Variants in CACNA1B observed in about 807,000 individuals in gnomAD.
CACNA1B encodes voltage-dependent N-type calcium channel subunit alpha-1B.
A neutral mutation model predicts 247.2 loss-of-function variants in CACNA1B; 70 were observed. The observed-to-expected ratio is 0.28, with a 90% CI of 0.23 to 0.35. CACNA1B has a LOEUF of 0.35. Among genes scored for constraint, CACNA1B ranks in the 10% least tolerant of loss-of-function variants. The pLI, the probability that CACNA1B is intolerant of heterozygous loss-of-function variation, is 1.00. For missense variants in CACNA1B, 2,367 were observed against 3,197.4 expected (o/e 0.74, Z 6.26); for synonymous variants, 1,231 against 1,294.4 (o/e 0.95, Z 1.05).
At chr9:137,941,001 A>G (rs1707722824) in intron 6 of CACNA1B, among the ~76,000 whole-genome samples, 1 of 152,180 alleles carries the variant, frequency 6.6e-6, no homozygotes, top group South Asian at 2.1e-4. Flanking sequence ...TGAGAACTGG[A>G]AGAAGACAAG....
chr9:138,047,119 G>T, intron 22 of CACNA1B, 86 bp downstream of exon 22: 1 of 1,306,026 alleles, frequency 7.7e-7, no homozygotes, highest in Non-Finnish European at 1.1e-6. Flanking sequence ...CTGGGGTGGG[G>T]CTGAGGTCCT....
intron 15 of CACNA1B, among the ~76,000 whole-genome samples, chr9:137,998,476 T>TG (rs1385622875): frequency 6.6e-6 from 1 of 152,026 alleles, no homozygotes; most frequent in African/African-American, 2.4e-5. Context: ...CTGGGTGTGC[T>TG]GGTGCTGAGG....
At chr9:137,886,235 A>ATGAGC (rs1957009730) in intron 3 of CACNA1B, among the ~76,000 whole-genome samples, 1 of 151,436 alleles carries the variant, frequency 6.6e-6, no homozygotes, top group Non-Finnish European at 1.5e-5. Context: ...GCCTGGGGTG[A>ATGAGC]GGACAGGGGT....
At chr9:137,996,460 A>G (rs940793914) in intron 15 of CACNA1B, among the ~76,000 whole-genome samples, 2 of 152,148 alleles carry the variant, frequency 1.3e-5, no homozygotes, top group Admixed American at 1.3e-4. Flanking sequence ...GAGCTGAGTT[A>G]TGAGGATGCA....
intron 36 of CACNA1B, among the ~76,000 whole-genome samples, chr9:138,078,642 T>A (rs1197698159): frequency 6.6e-6 from 1 of 151,972 alleles, no homozygotes; most frequent in African/African-American, 2.4e-5. Flanking sequence ...AGGTGTGGAT[T>A]TTATTTCACA....
chr9:137,932,219 G>A (rs1396424374), intron 6 of CACNA1B, among the ~76,000 whole-genome samples: 2 of 152,160 alleles, frequency 1.3e-5, no homozygotes, highest in Admixed American at 1.3e-4. Flanking sequence ...GAGATTGCAA[G>A]CCTGCTAACT....
At chr9:137,993,724 A>T (rs1210247732) in intron 15 of CACNA1B, among the ~76,000 whole-genome samples, 2 of 152,206 alleles carry the variant, frequency 1.3e-5, no homozygotes, top group African/African-American at 4.8e-5. Context: ...CGAACAAAAT[A>T]AAGTCCAGGA....
At chr9:138,041,640 A>T (rs926468695) in intron 20 of CACNA1B, among the ~76,000 whole-genome samples, 14 of 152,154 alleles carry the variant, frequency 9.2e-5, no homozygotes, top group Non-Finnish European at 1.9e-4. Context: ...TAGTAAATCG[A>T]TTTCAGAGAA....
At chr9:137,896,750 T>C (rs889872147) in intron 3 of CACNA1B, among the ~76,000 whole-genome samples, 1 of 152,262 alleles carries the variant, frequency 6.6e-6, no homozygotes, top group Non-Finnish European at 1.5e-5. Context: ...CAACTGGCCC[T>C]GGAGATTTCC....
At chr9:138,107,542 A>T (rs1961473563) in intron 39 of CACNA1B, among the ~76,000 whole-genome samples, 1 of 151,992 alleles carries the variant, frequency 6.6e-6, no homozygotes, top group East Asian at 1.9e-4. Context: ...TCTTTAAAAT[A>T]TATCCAAAAT....
intron 6 of CACNA1B, among the ~76,000 whole-genome samples, chr9:137,935,678 A>G (rs549271274): frequency 7.2e-5 from 11 of 152,342 alleles, no homozygotes; most frequent in African/African-American, 2.6e-4. Flanking sequence ...GGAATTGCCC[A>G]CTGTCTTCCA....
chr9:138,060,126 T>G (rs970458498), intron 31 of CACNA1B, among the ~76,000 whole-genome samples: 6 of 152,182 alleles, frequency 3.9e-5, no homozygotes, highest in Admixed American at 3.9e-4. Flanking sequence ...CCACCGTCTC[T>G]CTATCTCTCT....
Position 138,058,583 on chromosome 9 carries a change from C to G in CACNA1B, c.4323C>G (p.Asp1441Glu), listed in dbSNP as rs779375112. ...SLEKNERACIDFAISAKPLTR... is the reference protein window; with the variant it reads ...SLEKNERACIEFAISAKPLTR... ...TCCCCTTACAGAGGGCTTGCATTGACTTCGCCATCAGCGCCAAACCCCTGA... is the reference window on the plus strand; with the variant it reads ...TCCCCTTACAGAGGGCTTGCATTGAGTTCGCCATCAGCGCCAAACCCCTGA... The change falls in exon 29 of 47, where the codon GAC becomes GAG. Residue 1441 changes from aspartate (D) to glutamate (E), a missense_variant. Asp to Glu is a conservative substitution (Grantham distance 45). Transcript: ENST00000371372. This position sits in a 1 kb window ranked among gnomAD's most constrained non-coding sequence, Gnocchi z 4.7. 7 of 1,611,294 alleles carry G rather than the reference C, an allele frequency of 4.3e-6. No homozygotes were observed. The highest frequency in any genetic ancestry group is 2.2e-5 in the South Asian group (2 of 90,634).
Position 137,986,676 on chromosome 9 carries a change from GC to G in CACNA1B, c.1902-104del. Reference sequence around the variant, plus strand: ...AGGTCCTCAGAGGGGCCAGTGTGCAGCCATCTGCAGCCTGAAGCGAGCAGGT... The same window carrying G: ...AGGTCCTCAGAGGGGCCAGTGTGCAGCATCTGCAGCCTGAAGCGAGCAGGT... On this transcript the variant is annotated intron_variant, in intron 14 of 46. Coordinates refer to ENST00000371372, the MANE Select transcript of CACNA1B (RefSeq NM_000718.4). This position sits in a 1 kb window ranked among gnomAD's most constrained non-coding sequence, Gnocchi z 6.0. 7.1e-7 allele frequency: 1 copy of G among 1,402,176 alleles called. No individual in the cohort carries two copies. The highest frequency in any genetic ancestry group is 2.3e-5 in the East Asian group (1 of 43,862). The allele number at this position is 1,402,176 out of a possible 1,614,324, so 86.9% of individuals were successfully genotyped here.
chr9:137,983,751 C>T (rs1374971485), intron 12 of CACNA1B, among the ~76,000 whole-genome samples: 1 of 152,036 alleles, frequency 6.6e-6, no homozygotes, highest in Non-Finnish European at 1.5e-5. Context: ...AAAGTTTGCC[C>T]AGCTCCAGAG....
rs1554922526 is a variant in CACNA1B, at chr9:137,897,711, C to CATT, written c.530+14846_530+14848dup. On this transcript the variant is annotated intron_variant, in intron 3 of 46. Coordinates refer to ENST00000371372, the MANE Select transcript of CACNA1B (RefSeq NM_000718.4). Reference sequence around the variant, plus strand: ...TATTTTGTGTTTTTATCATTTTAATCATTATTATTATTATTATTATATTTT... The same window carrying CATT: ...TATTTTGTGTTTTTATCATTTTAATCATTATTATTATTATTATTATTATATTTT... 9.0e-4 allele frequency among the ~76,000 whole-genome samples: 137 copies of CATT among 151,512 alleles called. 2 individuals are homozygous for CATT. The highest frequency in any genetic ancestry group is 5.4e-3 in the South Asian group (26 of 4,804).
rs903853004 is a variant in CACNA1B, at chr9:138,050,647, G to A, written c.3710+1332G>A. On this transcript the variant is annotated intron_variant, in intron 24 of 46. Coordinates refer to ENST00000371372, the MANE Select transcript of CACNA1B (RefSeq NM_000718.4). The surrounding 1 kb of genome is among the most constrained non-coding windows in gnomAD (Gnocchi z 5.2). Reference sequence around the variant, plus strand: ...GGGAAGGGGTTGGGCCCATCCAGGCGGCTTCAGAGCAGGAGAAAAGGAGCA... The same window carrying A: ...GGGAAGGGGTTGGGCCCATCCAGGCAGCTTCAGAGCAGGAGAAAAGGAGCA... 2.6e-5 allele frequency among the ~76,000 whole-genome samples: 4 copies of A among 152,190 alleles called. No individual in the cohort carries two copies. Among genetic ancestry groups the A allele is most frequent in the Admixed American group, 6.5e-5 (1 of 15,292 alleles).
At chr9:137,949,145 G>A (rs1443754559) in intron 6 of CACNA1B, among the ~76,000 whole-genome samples, 2 of 778 alleles carry the variant, frequency 2.6e-3, no homozygotes, top group African/African-American at 4.3e-3. Flanking sequence ...TGGTGTATCT[G>A]TGCATGTGTG....
chr9:138,104,085 C>T (rs1961344264), intron 38 of CACNA1B, among the ~76,000 whole-genome samples: 2 of 152,252 alleles, frequency 1.3e-5, no homozygotes, highest in Non-Finnish European at 2.9e-5. Flanking sequence ...TGGCTGACTC[C>T]AAGGTTCTGG....
Sources: allele counts gnomAD v4.1 joint callset (sites outside exome capture counted in the v4.1 genomes callset), GRCh38; gene constraint gnomAD v4.1.1; non-coding constraint Gnocchi (gnomAD v3.1); transcripts MANE v1.5; gene names NCBI Gene and HGNC (gene_info 2026-07-23, HGNC 2026-07-21).